The following KCNIP1 variants were observed in gnomAD, a reference collection of about 807,000 sequenced individuals.
The protein encoded by KCNIP1 is potassium voltage-gated channel interacting protein 1, also known as A-type potassium channel modulatory protein KCNIP1.
In KCNIP1, 18 loss-of-function variants were observed where a neutral mutation model predicts 33.0. The ratio of observed to expected loss-of-function variants is 0.55; its 90% CI spans 0.38 to 0.81. The LOEUF is 0.81. Among genes scored for constraint, KCNIP1 ranks in the 30% least tolerant of loss-of-function variants. The probability of loss-of-function intolerance (pLI) is 0.00; values close to 1 mark genes in which losing one functional copy is unlikely to be tolerated. For missense variants in KCNIP1, 238 were observed against 271.6 expected (o/e 0.88, Z 0.87); for synonymous variants, 93 against 98.3 (o/e 0.95, Z 0.32).
intron 1 of KCNIP1, among the ~76,000 whole-genome samples, chr5:170,449,999 TA>T (rs1248020722): frequency 4.6e-5 from 7 of 152,070 alleles, no homozygotes; most frequent in Non-Finnish European, 1.0e-4. Flanking sequence ...TCAGAGTAAA[TA>T]ACAAGGAAGT....
At chr5:170,726,378 G>C (rs1048675555) in intron 5 of KCNIP1, among the ~76,000 whole-genome samples, 1 of 152,126 alleles carries the variant, frequency 6.6e-6, no homozygotes, top group African/African-American at 2.4e-5. Context: ...CCCATGAAAG[G>C]TTGCTCTATA....
rs1760877669 is a variant in KCNIP1, at chr5:170,648,330, G to A, written c.62-70428G>A. On this transcript the variant is annotated intron_variant, in intron 1 of 7. Transcript: ENST00000328939. The stretch of plus-strand genomic sequence containing the variant: ...GTGTTCACACAAAAAACTGCATGTG[G>A]ATGTTTACAGCAGCTTTATTCATAA... Among the ~76,000 whole-genome samples the A allele has an allele frequency of 2.6e-5, 4 of 152,192 alleles. 1 individual carries two copies. In the South Asian group the frequency reaches 8.3e-4, roughly 31 times the overall value.
chr5:170,642,632 T>C (rs1023446102), intron 1 of KCNIP1, among the ~76,000 whole-genome samples: 1 of 152,184 alleles, frequency 6.6e-6, no homozygotes, highest in Admixed American at 6.5e-5. Flanking sequence ...GCGGGGAATC[T>C]GGAAGGAGAT....
chr5:170,635,886 G>A (rs1418577265), intron 1 of KCNIP1, among the ~76,000 whole-genome samples: 1 of 152,256 alleles, frequency 6.6e-6, no homozygotes, highest in Non-Finnish European at 1.5e-5. Context: ...GGCTGCCAGT[G>A]CCCAGACACA....
At chr5:170,527,452 T>C (rs2113332075) in intron 1 of KCNIP1, among the ~76,000 whole-genome samples, 1 of 152,040 alleles carries the variant, frequency 6.6e-6, no homozygotes, top group South Asian at 2.1e-4. Context: ...CTATGGAACA[T>C]TAAAAAGGTC....
intron 1 of KCNIP1, among the ~76,000 whole-genome samples, chr5:170,491,159 G>A (rs578256452): frequency 6.6e-6 from 1 of 152,110 alleles, no homozygotes; most frequent in Admixed American, 6.5e-5. Context: ...CTCTGAGAAT[G>A]AAGCAGAGAA....
intron 1 of KCNIP1, among the ~76,000 whole-genome samples, chr5:170,603,033 G>A (rs1329106468): frequency 2.0e-5 from 3 of 152,254 alleles, no homozygotes; most frequent in African/African-American, 7.2e-5. Context: ...TCCAGGACCA[G>A]GGGCTAGGCC....
chr5:170,583,030 A>G (rs944552355), intron 1 of KCNIP1, among the ~76,000 whole-genome samples: 2 of 152,214 alleles, frequency 1.3e-5, no homozygotes, highest in African/African-American at 4.8e-5. Context: ...TGCCTACACG[A>G]TAAAAATGGA....
At chr5:170,664,906 G>A (rs1424028964) in intron 1 of KCNIP1, among the ~76,000 whole-genome samples, 1 of 152,078 alleles carries the variant, frequency 6.6e-6, no homozygotes, top group Non-Finnish European at 1.5e-5. Flanking sequence ...TAGGTCCATG[G>A]TAAAATTTAG....
intron 1 of KCNIP1, among the ~76,000 whole-genome samples, chr5:170,545,337 T>G (rs1353200354): frequency 6.6e-6 from 1 of 152,218 alleles, no homozygotes; most frequent in Non-Finnish European, 1.5e-5. Context: ...GACTATGATA[T>G]GTGTAGTTAT....
intron 1 of KCNIP1, among the ~76,000 whole-genome samples, chr5:170,408,844 G>A (rs929445663): frequency 1.4e-4 from 22 of 152,184 alleles, no homozygotes; most frequent in African/African-American, 5.3e-4. Flanking sequence ...CAGGCGGTGG[G>A]TCTTTTTGCG....
intron 1 of KCNIP1, among the ~76,000 whole-genome samples, chr5:170,717,350 A>C (rs1763675336): frequency 6.6e-6 from 1 of 152,144 alleles, no homozygotes; most frequent in South Asian, 2.1e-4. Context: ...AAACACAACC[A>C]TAATTAAAGG....
chr5:170,367,258 G>A (rs1220049551), intron 1 of KCNIP1, among the ~76,000 whole-genome samples: 1 of 151,106 alleles, frequency 6.6e-6, no homozygotes, highest in Non-Finnish European at 1.5e-5. Flanking sequence ...AGGTTGCAGT[G>A]AGCCACAATC....
At chr5:170,732,151 T>G (rs1764228706) in intron 5 of KCNIP1, among the ~76,000 whole-genome samples, 1 of 152,224 alleles carries the variant, frequency 6.6e-6, no homozygotes, top group Non-Finnish European at 1.5e-5. Flanking sequence ...GACTGTCCCC[T>G]GGGTCTCTGT....
At chr5:170,389,370 C>T (rs45551732) in intron 1 of KCNIP1, 6,655 of 151,906 alleles carry the variant, frequency 0.044, 193 homozygotes, top group Non-Finnish European at 0.068. Context: ...TTGGCCTCCC[C>T]GCCCGTCTCC....
intron 2 of KCNIP1, 27 bp downstream of exon 2, chr5:170,718,909 C>T (rs745523251): frequency 3.1e-6 from 5 of 1,595,984 alleles, no homozygotes; most frequent in Non-Finnish European, 3.4e-6. Flanking sequence ...CTCTGAAGGC[C>T]TGGGGGGGGT....
Position 170,504,686 on chromosome 5 carries a change from G to C in KCNIP1, c.61+53G>C. On this transcript the variant is annotated intron_variant, in intron 1 of 7. Coordinates refer to ENST00000328939, the MANE Select transcript of KCNIP1 (RefSeq NM_014592.4). This position sits in a 1 kb window ranked among gnomAD's most constrained non-coding sequence, Gnocchi z 6.0. Reference sequence around the variant, plus strand: ...CTGTCTGGGCTTGGGGGTGCTAGGCGCCGAGGTGGGCTGTGCCACCTGCCT... The same window carrying C: ...CTGTCTGGGCTTGGGGGTGCTAGGCCCCGAGGTGGGCTGTGCCACCTGCCT... 5 of 1,488,158 alleles carry C rather than the reference G, an allele frequency of 3.4e-6. No individual in the cohort carries two copies. Among genetic ancestry groups the C allele is most frequent in the Non-Finnish European group, 4.7e-6 (5 of 1,066,458 alleles). 92.2% of individuals were successfully genotyped at this position (1,488,158 alleles called of 1,614,324 possible).
At chr5:170,534,471 A>AAGGAGGAGGAGGAGG (rs34048947) in intron 1 of KCNIP1, among the ~76,000 whole-genome samples, 3 of 149,330 alleles carry the variant, frequency 2.0e-5, no homozygotes, top group East Asian at 2.0e-4. Flanking sequence ...GGAGAGGGAG[A>AAGGAGGAGGAGGAGG]AGGAGGAGGA....
chr5:170,431,256 T>C (rs577936373), intron 1 of KCNIP1, among the ~76,000 whole-genome samples: 1 of 152,340 alleles, frequency 6.6e-6, no homozygotes, highest in South Asian at 2.1e-4. Flanking sequence ...TCTTCTCCAG[T>C]TACTCAACAA....
Sources: allele counts gnomAD v4.1 joint callset (sites outside exome capture counted in the v4.1 genomes callset), GRCh38; gene constraint gnomAD v4.1.1; non-coding constraint Gnocchi (gnomAD v3.1); transcripts MANE v1.5; gene names NCBI Gene and HGNC (gene_info 2026-07-23, HGNC 2026-07-21).